Variants in EPG5 observed in about 807,000 individuals in gnomAD.
The protein encoded by EPG5 is ectopic P granules protein 5 homolog.
Under a neutral mutation model 302.7 loss-of-function variants are expected in EPG5, and 159 were observed. The observed-to-expected ratio is 0.53, with a 90% confidence interval of 0.46 to 0.60. The LOEUF is 0.60. Among genes scored for constraint, EPG5 ranks in the 20% least tolerant of loss-of-function variants. The pLI is 0.00. For missense variants in EPG5, 2,896 were observed against 3,092.4 expected, an observed-to-expected ratio of 0.94 and a Z score of 1.51; for synonymous variants, 1,158 against 1,136.8, an observed-to-expected ratio of 1.02 and a Z score of -0.37.
At chr18:45,927,354 A>T (rs570810153) in intron 13 of EPG5, among the ~76,000 whole-genome samples, 1 of 152,100 alleles carries the variant, frequency 6.6e-6, no homozygotes, top group Admixed American at 6.6e-5. Flanking sequence ...TGTTTTTCTT[A>T]AAAGGAAAAT....
At chr18:45,874,440 T>C (rs1180138201) in intron 35 of EPG5, among the ~76,000 whole-genome samples, 1 of 151,964 alleles carries the variant, frequency 6.6e-6, no homozygotes, top group Non-Finnish European at 1.5e-5. Context: ...TAAAGACATA[T>C]CCAAGACTGG....
chr18:45,898,294 G>A (rs2145566422), intron 27 of EPG5, among the ~76,000 whole-genome samples: 1 of 152,340 alleles, frequency 6.6e-6, no homozygotes, highest in East Asian at 1.9e-4. Context: ...GGCACTTCAG[G>A]TGAGCAACTT....
intron 29 of EPG5, among the ~76,000 whole-genome samples, chr18:45,886,462 A>G (rs1238005596): frequency 6.6e-6 from 1 of 152,252 alleles, no homozygotes; most frequent in Non-Finnish European, 1.5e-5. Flanking sequence ...GCCCATTTTA[A>G]GTGCCTATCC....
chr18:45,880,024 A>G (rs756659757), intron 32 of EPG5, 51 bp downstream of exon 32: 2 of 1,489,018 alleles, frequency 1.3e-6, no homozygotes, highest in East Asian at 4.7e-5. Context: ...ATGAATAGCA[A>G]GGGAAATAAA....
rs1045746883 is a variant in EPG5 at position 45,959,835 on chromosome 18, C to T, written c.64-4497G>A. Among the ~76,000 whole-genome samples, 2 of 151,900 alleles carry T rather than the reference C, an allele frequency of 1.3e-5. 1 individual carries two copies. The highest frequency in any genetic ancestry group is 1.3e-4 in the Admixed American group (2 of 15,252). ...TCTTTACTAAATACAAAAAATTAGCCGGGCATGGTGGCAGGTGCCTGTAAT... is the reference window on the plus strand; with the variant it reads ...TCTTTACTAAATACAAAAAATTAGCTGGGCATGGTGGCAGGTGCCTGTAAT... On this transcript the variant is annotated intron_variant, in intron 1 of 43. Transcript: ENST00000282041.
At chr18:45,878,267 C>A (rs942804095) in intron 34 of EPG5, 109 bp downstream of exon 34, 2 of 707,786 alleles carry the variant, frequency 2.8e-6, no homozygotes, top group Non-Finnish European at 4.9e-6. Context: ...TTAAATATGG[C>A]CTTACACTAA....
intron 42 of EPG5, among the ~76,000 whole-genome samples, chr18:45,856,306 T>G (rs1290694658): frequency 6.6e-6 from 1 of 152,248 alleles, no homozygotes; most frequent in Non-Finnish European, 1.5e-5. Context: ...GGCCACACAT[T>G]ATATGATTCC....
In EPG5 at chr18:45,884,791, T is replaced by C; in HGVS notation, c.5130A>G (p.Lys1710=). The C allele has an allele frequency of 6.4e-7, 1 of 1,561,516 alleles. No homozygotes were observed. Among genetic ancestry groups the C allele is most frequent in the Non-Finnish European group, 8.6e-7 (1 of 1,162,860 alleles). ...TTTCAAGTACTTTTCTGCACTCTGATTTAATGCCACTGATAAATACCTTGG... is the reference window on the plus strand; with the variant it reads ...TTTCAAGTACTTTTCTGCACTCTGACTTAATGCCACTGATAAATACCTTGG... The part of the protein sequence containing the change: ...ILGQVFISGI[K]SECRKVLETI... The change falls in exon 30 of 44, where the codon AAA becomes AAG. Residue 1710 remains lysine, a synonymous_variant. Coordinates refer to ENST00000282041, the MANE Select transcript of EPG5 (RefSeq NM_020964.3).
the EPG5 span, among the ~76,000 whole-genome samples, chr18:45,801,676 A>G: frequency 4.3e-4 from 65 of 151,970 alleles, no homozygotes; most frequent in Non-Finnish European, 7.9e-4. Context: ...CCAGTCTTTA[A>G]TCCCCCTGTT....
At chr18:45,844,160 A>G (rs989496369), downstream of EPG5, 1 of 152,204 alleles carries the variant, frequency 6.6e-6, no homozygotes, top group African/African-American at 2.4e-5. Flanking sequence ...GAAATAAGTC[A>G]AGCACAGAAA....
the EPG5 span, among the ~76,000 whole-genome samples, chr18:45,814,032 TTCTCTGAGTA>T: frequency 4.6e-5 from 7 of 152,092 alleles, no homozygotes; most frequent in South Asian, 1.4e-3. Context: ...TATCTACATA[TTCTCTGAGTA>T]TCTCCCCACA....
intron 9 of EPG5, 152 bp downstream of exon 9, chr18:45,943,009 C>G: frequency 1.5e-6 from 1 of 675,056 alleles, no homozygotes; most frequent in Middle Eastern, 2.7e-4. Flanking sequence ...TATGAAATTC[C>G]CATCTTATAG....
At position 45,867,568 on chromosome 18, in the gene EPG5, G is replaced by A. The variant is rs565916665; in HGVS notation, c.6406C>T (p.Gln2136Ter). 1.2e-6 allele frequency: 2 copies of A among 1,613,360 alleles called. No individual in the cohort carries two copies. The highest frequency in any genetic ancestry group is 1.7e-5 in the Admixed American group (1 of 59,930). ...CATAAGCTTCCCAAACTTACTGTTT[G>A]GTCTACCAGTTGAACTTCCTTTGCC... The part of the protein sequence containing the change: ...LLAKEVQLVD[Q>*]TDSPLLSLLG... The change falls in exon 37 of 44, where the codon CAA becomes TAA. Residue 2136 changes from glutamine to a stop codon, truncating the protein, a stop_gained. Transcript: ENST00000282041. LOFTEE classifies it high-confidence loss of function.
At chr18:45,940,390 G>A (rs2050636972) in intron 9 of EPG5, among the ~76,000 whole-genome samples, 1 of 152,220 alleles carries the variant, frequency 6.6e-6, no homozygotes, top group South Asian at 2.1e-4. Flanking sequence ...GGCAGACAGT[G>A]AATGGGCTGA....
chr18:45,866,268 T>A (rs1599444335), intron 38 of EPG5, among the ~76,000 whole-genome samples: 1 of 152,046 alleles, frequency 6.6e-6, no homozygotes. Context: ...TACAGGCACC[T>A]GCCACCATTC....
chr18:45,816,339 C>G, the EPG5 span, among the ~76,000 whole-genome samples: 1 of 151,980 alleles, frequency 6.6e-6, no homozygotes. Context: ...GCAGAGTAAA[C>G]AGTCAACCCA....
rs1401319067 is a variant in EPG5 at position 45,851,762 on chromosome 18, T to C, written c.*705A>G. 6.6e-6 allele frequency: 1 copy of C among 152,286 alleles called. No homozygotes were observed. The highest frequency in any genetic ancestry group is 2.4e-5 in the African/African-American group (1 of 41,462). The allele number at this position is 152,286 out of a possible 1,614,324, so 9.4% of individuals were successfully genotyped here. A position where few individuals can be genotyped will look rare whatever the true frequency, so the allele number is the denominator to read the frequency against. On this transcript the variant is annotated 3_prime_UTR_variant, in exon 44 of 44. Coordinates refer to ENST00000282041, the MANE Select transcript of EPG5 (RefSeq NM_020964.3). ...CCAAGTGGACCAAACAAAACATCTGTGCAAAACATGCTCCTCCCAGACTGC... is the reference window on the plus strand; with the variant it reads ...CCAAGTGGACCAAACAAAACATCTGCGCAAAACATGCTCCTCCCAGACTGC...
At chr18:45,947,511 A>G (rs1246188495) in intron 6 of EPG5, among the ~76,000 whole-genome samples, 2 of 152,236 alleles carry the variant, frequency 1.3e-5, no homozygotes, top group Non-Finnish European at 2.9e-5. Context: ...TACCACGTGC[A>G]GGAGCAGGCC....
the EPG5 span, among the ~76,000 whole-genome samples, chr18:45,808,299 C>A: frequency 1.3e-5 from 2 of 152,250 alleles, no homozygotes; most frequent in South Asian, 2.1e-4. Flanking sequence ...GTTTGGAAAA[C>A]CTATTTGGGG....
Sources: allele counts gnomAD v4.1 joint callset (sites outside exome capture counted in the v4.1 genomes callset), GRCh38; gene constraint gnomAD v4.1.1; transcripts MANE v1.5; gene names NCBI Gene and HGNC (gene_info 2026-07-23, HGNC 2026-07-21).